The following LRIG1 variants were observed in gnomAD, a reference collection of about 807,000 sequenced individuals.
LRIG1 encodes leucine-rich repeats and immunoglobulin-like domains protein 1.
LRIG1 carries 48 observed loss-of-function variants against 99.2 expected under a neutral mutation model. The ratio of observed to expected loss-of-function variants is 0.48; its 90% CI spans 0.38 to 0.62. LRIG1 has a LOEUF of 0.62. Ranked by LOEUF, LRIG1 falls within the 20% of genes least tolerant of loss-of-function variation. The pLI, the probability that LRIG1 is intolerant of heterozygous loss-of-function variation, is 0.00. For synonymous variants in LRIG1, 772 were observed against 596.1 expected (o/e 1.29, Z -4.30); for missense variants, 1,646 against 1,434.4 (o/e 1.15, Z -2.38).
intron 3 of LRIG1, among the ~76,000 whole-genome samples, chr3:66,422,946 T>A (rs1251578145): frequency 1.3e-5 from 2 of 152,126 alleles, no homozygotes; most frequent in African/African-American, 2.4e-5. Context: ...GCAGGGAAAC[T>A]CCAGTTTTTA....
chr3:66,500,157 G>T (rs113702647), intron 1 of LRIG1, 33 bp downstream of exon 1: 2 of 1,488,390 alleles, frequency 1.3e-6, no homozygotes, highest in Non-Finnish European at 1.8e-6. Flanking sequence ...CAGAGCCCCG[G>T]GGCGCAGAGA....
chr3:66,483,826 ACAGAG>A (rs1700906052), intron 1 of LRIG1, among the ~76,000 whole-genome samples: 1 of 152,200 alleles, frequency 6.6e-6, no homozygotes, highest in Non-Finnish European at 1.5e-5. Flanking sequence ...CAAACGCAAC[ACAGAG>A]GAGAGCGCCT....
rs1201962936 is a variant in LRIG1, at chr3:66,500,172, G to C, written c.218+18C>G. ...CAGAGCCCCGGGGCGCAGAGAGGGC[G>C]GAAAGGGCGGCACTCACAGGCTCCG... On this transcript the variant is annotated intron_variant, in intron 1 of 18. Transcript: ENST00000273261. 5.3e-6 allele frequency: 8 copies of C among 1,509,318 alleles called. No individual in the cohort carries two copies. The highest frequency in any genetic ancestry group is 7.1e-6 in the Non-Finnish European group (8 of 1,133,178). 93.5% of individuals were successfully genotyped at this position (1,509,318 alleles called of 1,614,324 possible).
chr3:66,410,655 T>C (rs1702435397), intron 6 of LRIG1, among the ~76,000 whole-genome samples: 1 of 152,052 alleles, frequency 6.6e-6, no homozygotes, highest in South Asian at 2.1e-4. Context: ...AAGGGCAATA[T>C]AGCGAAACCC....
intron 3 of LRIG1, among the ~76,000 whole-genome samples, chr3:66,438,567 C>T (rs1003201737): frequency 8.5e-5 from 13 of 152,198 alleles, no homozygotes; most frequent in Admixed American, 2.6e-4. Context: ...CCCTGACACT[C>T]GTTCCTCTGA....
chr3:66,456,863 G>A (rs1460500435), intron 2 of LRIG1, among the ~76,000 whole-genome samples: 1 of 152,168 alleles, frequency 6.6e-6, no homozygotes, highest in African/African-American at 2.4e-5. Flanking sequence ...GTGATCTGAA[G>A]GCAGTATCTA....
At chr3:66,423,065 A>T (rs919353198) in intron 3 of LRIG1, among the ~76,000 whole-genome samples, 3 of 152,182 alleles carry the variant, frequency 2.0e-5, no homozygotes, top group Non-Finnish European at 4.4e-5. Flanking sequence ...GACACATGGG[A>T]ATTGTAGGAG....
At chr3:66,405,812 CTGAGCCAGGGA>C (rs1191641408) in intron 8 of LRIG1, 1 of 1,168,800 alleles carries the variant, frequency 8.6e-7, no homozygotes, top group Non-Finnish European at 1.1e-6. Flanking sequence ...GGCGCTGACT[CTGAGCCAGGGA>C]GGACATCTGG....
chr3:66,420,655 C>T (rs576200425), intron 3 of LRIG1, among the ~76,000 whole-genome samples: 16 of 152,200 alleles, frequency 1.1e-4, no homozygotes, highest in East Asian at 3.8e-4. Flanking sequence ...ATGAGCATTG[C>T]GGACATGATG....
At chr3:66,468,776 G>A (rs1291999458) in intron 1 of LRIG1, among the ~76,000 whole-genome samples, 2 of 152,228 alleles carry the variant, frequency 1.3e-5, no homozygotes, top group East Asian at 1.9e-4. Context: ...AAATTTCAGC[G>A]GGTGCAAATA....
intron 12 of LRIG1, among the ~76,000 whole-genome samples, chr3:66,388,618 C>CA (rs1288140717): frequency 6.6e-6 from 1 of 152,216 alleles, no homozygotes; most frequent in East Asian, 1.9e-4. Context: ...AGGAGCAACT[C>CA]ATCACATTCA....
chr3:66,444,451 C>T (rs374538184), intron 3 of LRIG1, among the ~76,000 whole-genome samples: 1 of 152,204 alleles, frequency 6.6e-6, no homozygotes, highest in Admixed American at 6.5e-5. Flanking sequence ...TGCCACCACA[C>T]TGGTGACATT....
At chr3:66,472,129 C>A (rs954318740) in intron 1 of LRIG1, among the ~76,000 whole-genome samples, 1 of 151,822 alleles carries the variant, frequency 6.6e-6, no homozygotes, top group Admixed American at 6.6e-5. Flanking sequence ...ACGATGAAAT[C>A]CCATCTCTAC....
At chr3:66,474,987 G>A (rs1221377398) in intron 1 of LRIG1, among the ~76,000 whole-genome samples, 2 of 152,164 alleles carry the variant, frequency 1.3e-5, no homozygotes, top group Non-Finnish European at 2.9e-5. Flanking sequence ...CAGCCTCTCT[G>A]TGCACTAGAG....
At chr3:66,483,916 A>T (rs148831753) in intron 1 of LRIG1, among the ~76,000 whole-genome samples, 30 of 152,338 alleles carry the variant, frequency 2.0e-4, no homozygotes, top group African/African-American at 7.0e-4. Flanking sequence ...TCATGTGGGG[A>T]CAGTTCACAT....
intron 9 of LRIG1, chr3:66,404,395 A>G: frequency 8.0e-7 from 1 of 1,252,866 alleles, no homozygotes; most frequent in Non-Finnish European, 1.0e-6. Context: ...CCGAGCTGCT[A>G]GTAAACAGTA....
intron 3 of LRIG1, among the ~76,000 whole-genome samples, chr3:66,447,668 C>T (rs1703771241): frequency 1.3e-5 from 2 of 152,172 alleles, no homozygotes; most frequent in South Asian, 4.1e-4. Flanking sequence ...ATGCTACAGT[C>T]CATGCACAGG....
At chr3:66,427,998 T>C (rs1039875988) in intron 3 of LRIG1, among the ~76,000 whole-genome samples, 7 of 152,258 alleles carry the variant, frequency 4.6e-5, no homozygotes, top group African/African-American at 7.2e-5. Context: ...GATATTTCTA[T>C]TGACAGAACA....
intron 17 of LRIG1, 55 bp from the exon 18 acceptor site, chr3:66,380,916 CCA>C: frequency 1.3e-6 from 2 of 1,574,784 alleles, no homozygotes; most frequent in African/African-American, 2.7e-5. Flanking sequence ...GTCTTCGTCC[CCA>C]CACAGAGGAC....
Sources: gnomAD v4.1 joint callset for allele counts (sites outside exome capture counted in the v4.1 genomes callset) on GRCh38, gnomAD v4.1.1 for gene constraint, MANE v1.5 for transcripts, NCBI Gene and HGNC (gene_info 2026-07-23, HGNC 2026-07-21) for gene names.